SMYD3: variants seen among roughly 807,000 people sequenced by gnomAD.
SMYD3 encodes SET and MYND domain containing 3.
Under a neutral mutation model 57.7 loss-of-function variants are expected in SMYD3, and 36 were observed. The ratio of observed to expected loss-of-function variants is 0.62; its 90% CI spans 0.48 to 0.82. The LOEUF is 0.82. Among genes scored for constraint, SMYD3 ranks in the 40% least tolerant of loss-of-function variants. The pLI is 0.00. For synonymous variants in SMYD3, 211 were observed against 195.0 expected (o/e 1.08, Z -0.68); for missense variants, 515 against 538.8 (o/e 0.96, Z 0.44).
chr1:245,861,476 T>C (rs1352128297), intron 9 of SMYD3, among the ~76,000 whole-genome samples: 2 of 152,220 alleles, frequency 1.3e-5, no homozygotes, highest in African/African-American at 4.8e-5. Flanking sequence ...CACAGAGCTT[T>C]TATTCACTTA....
intron 7 of SMYD3, among the ~76,000 whole-genome samples, chr1:245,925,530 G>C (rs1034652339): frequency 6.6e-6 from 1 of 152,164 alleles, no homozygotes; most frequent in African/African-American, 2.4e-5. Context: ...GATGGCTACA[G>C]GCATTAGTTA....
chr1:245,834,647 A>C (rs2050014573), intron 10 of SMYD3, among the ~76,000 whole-genome samples: 1 of 152,228 alleles, frequency 6.6e-6, no homozygotes, highest in African/African-American at 2.4e-5. Flanking sequence ...CTCATTTCAC[A>C]GTTCTGAGCA....
intron 7 of SMYD3, among the ~76,000 whole-genome samples, chr1:245,923,078 C>T (rs1229623587): frequency 6.6e-6 from 1 of 152,088 alleles, no homozygotes. Flanking sequence ...GGAAACATCA[C>T]GTTTCAATCA....
chr1:246,478,568 G>A (rs2068058932), intron 1 of SMYD3, among the ~76,000 whole-genome samples: 2 of 102,812 alleles, frequency 1.9e-5, no homozygotes, highest in African/African-American at 8.4e-5. Flanking sequence ...CCTGGAGCTG[G>A]TACATAAGTG....
At chr1:246,386,089 C>T (rs2066475159) in intron 1 of SMYD3, among the ~76,000 whole-genome samples, 1 of 152,090 alleles carries the variant, frequency 6.6e-6, no homozygotes, top group African/African-American at 2.4e-5. Context: ...AGGGTTTCAC[C>T]GTGCTAGCCA....
At chr1:245,953,427 T>A in intron 5 of SMYD3, 7 of 882,816 alleles carry the variant, frequency 7.9e-6, no homozygotes, top group Non-Finnish European at 9.7e-6. Flanking sequence ...CAGTTTGTTT[T>A]GTTTTGTTTT....
chr1:245,948,698 C>A (rs1268771768), intron 5 of SMYD3, among the ~76,000 whole-genome samples: 3 of 152,188 alleles, frequency 2.0e-5, no homozygotes, highest in Non-Finnish European at 4.4e-5. Flanking sequence ...TATCCTCCAC[C>A]ACAGCCACTG....
intron 5 of SMYD3, among the ~76,000 whole-genome samples, chr1:246,095,917 C>T (rs761575736): frequency 1.2e-4 from 18 of 152,228 alleles, no homozygotes; most frequent in South Asian, 8.3e-4. Context: ...ATGGCCTGAA[C>T]ATCAACTTCA....
chr1:246,051,133 C>CT (rs11453523), intron 5 of SMYD3, among the ~76,000 whole-genome samples: 33,120 of 141,538 alleles, frequency 0.23, 5,307 homozygotes, highest in African/African-American at 0.45. Context: ...TTTCTTACTC[C>CT]TTTTTTTTTT....
At chr1:245,836,033 C>T (rs1470949145) in intron 10 of SMYD3, among the ~76,000 whole-genome samples, 1 of 152,168 alleles carries the variant, frequency 6.6e-6, no homozygotes, top group Non-Finnish European at 1.5e-5. Context: ...GAACCCCCAC[C>T]TCAACTCCCA....
chr1:245,928,162 G>A, intron 6 of SMYD3, 129 bp from the exon 7 acceptor site: 1 of 581,240 alleles, frequency 1.7e-6, no homozygotes, highest in Admixed American at 2.4e-5. Flanking sequence ...GGATGCCAGG[G>A]GTTCAGTACT....
At chr1:245,906,328 CGG>C (rs2054560764) in intron 8 of SMYD3, among the ~76,000 whole-genome samples, 1 of 152,104 alleles carries the variant, frequency 6.6e-6, no homozygotes, top group African/African-American at 2.4e-5. Context: ...GATCAAAAGA[CGG>C]ACAAAAGATT....
intron 5 of SMYD3, among the ~76,000 whole-genome samples, chr1:246,098,336 A>G (rs972352847): frequency 6.6e-6 from 1 of 152,328 alleles, no homozygotes; most frequent in East Asian, 1.9e-4. Flanking sequence ...CGGGAATGAC[A>G]TGAGTTTCCT....
intron 5 of SMYD3, among the ~76,000 whole-genome samples, chr1:246,218,351 C>T (rs370681048): frequency 3.3e-5 from 5 of 152,030 alleles, no homozygotes; most frequent in African/African-American, 9.7e-5. Context: ...AGGCCGGGCG[C>T]GGTGGCTCAC....
chr1:246,302,030 C>T (rs973424390), intron 5 of SMYD3, among the ~76,000 whole-genome samples: 2 of 152,094 alleles, frequency 1.3e-5, no homozygotes, highest in South Asian at 4.1e-4. Flanking sequence ...CTAAGGCAAG[C>T]ACATAGAAAT....
chr1:246,456,287 T>C (rs61839802), intron 1 of SMYD3, among the ~76,000 whole-genome samples: 35,014 of 152,216 alleles, frequency 0.23, 4,280 homozygotes, highest in Middle Eastern at 0.31. Context: ...CTCAGTCGAT[T>C]TTAAGACATA....
At chr1:246,078,954 T>C (rs1250652422) in intron 5 of SMYD3, among the ~76,000 whole-genome samples, 1 of 152,046 alleles carries the variant, frequency 6.6e-6, no homozygotes, top group African/African-American at 2.4e-5. Flanking sequence ...ATGGAGGTTA[T>C]AGTTTAGCAG....
intron 10 of SMYD3, among the ~76,000 whole-genome samples, chr1:245,806,703 G>A (rs546030575): frequency 1.4e-4 from 22 of 152,020 alleles, no homozygotes; most frequent in African/African-American, 1.7e-4. Flanking sequence ...GAGGTCAGGA[G>A]ATGGAGACCA....
chr1:246,058,803 T>A (rs1441520601), intron 5 of SMYD3, among the ~76,000 whole-genome samples: 3 of 152,116 alleles, frequency 2.0e-5, no homozygotes, highest in Admixed American at 1.3e-4. Context: ...GAAGGACTTT[T>A]ATTGTAATAA....
Sources: gnomAD v4.1 joint callset for allele counts (sites outside exome capture counted in the v4.1 genomes callset) on GRCh38, gnomAD v4.1.1 for gene constraint, MANE v1.5 for transcripts, NCBI Gene and HGNC (gene_info 2026-07-23, HGNC 2026-07-21) for gene names.